MBTPS2: variants seen among roughly 807,000 people sequenced by gnomAD.
MBTPS2 encodes membrane-bound transcription factor site-2 protease.
MBTPS2 carries 2 observed loss-of-function variants against 35.4 expected under a neutral mutation model. That is an observed-to-expected ratio of 0.06 (90% CI 0.02 to 0.18). The LOEUF (loss-of-function observed/expected upper bound fraction) is 0.18. Ranked by LOEUF, MBTPS2 falls within the 10% of genes least tolerant of loss-of-function variation. The probability of loss-of-function intolerance (pLI) is 1.00; values close to 1 mark genes in which losing one functional copy is unlikely to be tolerated. For synonymous variants in MBTPS2, 125 were observed against 140.4 expected (o/e 0.89, Z 0.77); for missense variants, 244 against 386.5 (o/e 0.63, Z 3.09).
Position 21,885,228 on chromosome X carries a change from T to C in MBTPS2, c.*2573T>C. Reference sequence around the variant, plus strand: ...ATTGTAAACATGTGCTTCATAGATATTGTGGCTCTCAGTCATCACTTTGTC... The same window carrying C: ...ATTGTAAACATGTGCTTCATAGATACTGTGGCTCTCAGTCATCACTTTGTC... On this transcript the variant is annotated 3_prime_UTR_variant, in exon 11 of 11. Coordinates refer to ENST00000379484, the MANE Select transcript of MBTPS2 (RefSeq NM_015884.4). The C allele has an allele frequency of 1.7e-5, 13 of 750,528 alleles. No homozygotes were observed. The highest frequency in any genetic ancestry group is 2.3e-5 in the African/African-American group (1 of 43,828). 61.9% of individuals were successfully genotyped at this position (750,528 alleles called of 1,213,427 possible). A position where few individuals can be genotyped will look rare whatever the true frequency, so the allele number is the denominator to read the frequency against.
chrX:21,884,336 T>C lies in MBTPS2; in HGVS notation c.*1681T>C. 1 of 696,987 alleles carries C rather than the reference T, an allele frequency of 1.4e-6. No individual in the cohort carries two copies. The highest frequency in any genetic ancestry group is 8.4e-4 in the Middle Eastern group (1 of 1,189). 57.4% of individuals were successfully genotyped at this position (696,987 alleles called of 1,213,427 possible). A position where few individuals can be genotyped will look rare whatever the true frequency, so the allele number is the denominator to read the frequency against. ...TGCTCAGTCAGACCTGTTCAAGTAG[T>C]AGAGCTTGGAGAATGCCATGAAATA... On this transcript the variant is annotated 3_prime_UTR_variant, in exon 11 of 11. Coordinates refer to ENST00000379484, the MANE Select transcript of MBTPS2 (RefSeq NM_015884.4).
chrX:21,856,267 CTT>C (rs2092921300), intron 5 of MBTPS2: 1 of 417,971 alleles, frequency 2.4e-6, no homozygotes, highest in Non-Finnish European at 4.1e-6. Context: ...CCGGCTCGTG[CTT>C]TCCTCAGTCT....
Position 21,861,731 on chromosome X carries a change from G to T in MBTPS2, c.671-6736G>T, listed in dbSNP as rs1025672046. Among the ~76,000 whole-genome samples, 7 of 109,297 alleles carry T rather than the reference G, an allele frequency of 6.4e-5. 2 individuals carry two copies. The Admixed American group carries it at 6.8e-4, about 11-fold the overall frequency. The allele number at this position is 109,297 out of a possible 115,157, so 94.9% of individuals were successfully genotyped here. On this transcript the variant is annotated intron_variant, in intron 5 of 10. Coordinates refer to ENST00000379484, the MANE Select transcript of MBTPS2 (RefSeq NM_015884.4). ...AACAAACAAAAAAAAACACGAAAAAGCAAAATATAGTATAATAATTTGATA... is the reference window on the plus strand; with the variant it reads ...AACAAACAAAAAAAAACACGAAAAATCAAAATATAGTATAATAATTTGATA...
Position 21,883,891 on chromosome X carries a change from C to G in MBTPS2, c.*1236C>G, listed in dbSNP as rs1043989003. The G allele has an allele frequency of 7.2e-5, 54 of 751,917 alleles. No homozygotes were observed. The highest frequency in any genetic ancestry group is 7.7e-5 in the Non-Finnish European group (49 of 639,035). 62.0% of individuals were successfully genotyped at this position (751,917 alleles called of 1,213,427 possible). On this transcript the variant is annotated 3_prime_UTR_variant, in exon 11 of 11. Coordinates refer to ENST00000379484, the MANE Select transcript of MBTPS2 (RefSeq NM_015884.4). ...AGCCCTGGGAAATTTGGGGAGTCAG[C>G]AGGCCAGTGTGAAGCTATTGGTCCT...
chrX:21,842,502 C>T (rs2092903767), intron 1 of MBTPS2, among the ~76,000 whole-genome samples: 1 of 109,123 alleles, frequency 9.2e-6, no homozygotes, highest in African/African-American at 3.3e-5. Context: ...CTATTAGCCA[C>T]ATGTGGTTAT....
rs774263672 is a variant in MBTPS2, at chrX:21,878,585, T to C, written c.1154T>C (p.Phe385Ser). ...KDCKKSSSSS[F>S]CIIPSLETHT... is the part of the protein sequence containing the mutation. ...TGTAAAAAAAGCTCAAGTTCAAGTT[T>C]CTGTATAATACCTTCTTTGGAAACT... is the stretch of plus-strand genomic sequence containing the variant. Residue 385 changes from phenylalanine to serine, a missense_variant, in exon 9 of 11, where the codon TTC becomes TCC. By Grantham distance (155) the Phe-to-Ser change is radical. Transcript: ENST00000379484. The C allele has an allele frequency of 8.3e-7, 1 of 1,203,750 alleles. No individual in the cohort carries two copies. The highest frequency in any genetic ancestry group is 1.1e-6 in the Non-Finnish European group (1 of 888,325).
chrX:21,882,263 T>G (rs1476779527), intron 10 of MBTPS2, among the ~76,000 whole-genome samples, 170 bp from the exon 11 acceptor site: 2 of 109,900 alleles, frequency 1.8e-5, no homozygotes, highest in East Asian at 5.7e-4. Flanking sequence ...TAATATAAAC[T>G]CATTTTTTTT....
intron 5 of MBTPS2, among the ~76,000 whole-genome samples, chrX:21,854,776 C>T (rs779946050): frequency 9.0e-6 from 1 of 111,658 alleles, no homozygotes; most frequent in African/African-American, 3.3e-5. Flanking sequence ...AACTCTATAC[C>T]GTGAACACAG....
chrX:21,864,765 G>C (rs1425846746), intron 5 of MBTPS2, among the ~76,000 whole-genome samples: 1 of 111,481 alleles, frequency 9.0e-6, no homozygotes, highest in African/African-American at 3.3e-5. Flanking sequence ...AGAGGTTGCA[G>C]TGAGCAGAGA....
chrX:21,855,495 G>C (rs904253887), intron 5 of MBTPS2, among the ~76,000 whole-genome samples: 53 of 110,054 alleles, frequency 4.8e-4, no homozygotes, highest in Non-Finnish European at 8.0e-4. Flanking sequence ...GCAGCGGCAT[G>C]ATCTAGGCTC....
In MBTPS2 at chrX:21,839,656, GGC is replaced by G; in HGVS notation, c.-71_-70del. ...TCCTGAGCGGATGCTGGGGCTGTAA[GGC>G]GCGCGCGGTCAGCTGTTGGCGGTGC... On this transcript the variant is annotated 5_prime_UTR_variant, in exon 1 of 11. Coordinates refer to ENST00000379484, the MANE Select transcript of MBTPS2 (RefSeq NM_015884.4). 9.7e-7 allele frequency: 1 copy of G among 1,035,764 alleles called. No homozygotes were observed. Among genetic ancestry groups the G allele is most frequent in the Non-Finnish European group, 1.3e-6 (1 of 753,627 alleles). The allele number at this position is 1,035,764 out of a possible 1,213,427, so 85.4% of individuals were successfully genotyped here.
At chrX:21,856,376 G>A (rs1347582862) in intron 5 of MBTPS2, 1 of 887,809 alleles carries the variant, frequency 1.1e-6, no homozygotes, top group Non-Finnish European at 1.5e-6. Context: ...TCTGCAGCTC[G>A]CCCCTTCCTC....
At chrX:21,870,987 C>T (rs6418748) in intron 7 of MBTPS2, 50,545 of 110,641 alleles carry the variant, frequency 0.46, 8,421 homozygotes, top group East Asian at 0.59. Flanking sequence ...GATTAATAAT[C>T]AAGAATAGTT....
intron 8 of MBTPS2, 140 bp from the exon 9 acceptor site, chrX:21,878,357 T>C (rs1168688486): frequency 5.7e-6 from 3 of 528,967 alleles, no homozygotes; most frequent in African/African-American, 4.7e-5. Flanking sequence ...ATCTATTTTA[T>C]AGTAGATGCA....
chrX:21,856,227 G>A (rs2092921116), intron 5 of MBTPS2: 5 of 370,829 alleles, frequency 1.3e-5, no homozygotes, highest in Non-Finnish European at 1.9e-5. Context: ...AGGCGCATGC[G>A]TCTGGCTATC....
At chrX:21,862,130 A>G (rs1005728972) in intron 5 of MBTPS2, among the ~76,000 whole-genome samples, 27 of 111,403 alleles carry the variant, frequency 2.4e-4, no homozygotes, top group African/African-American at 8.8e-4. Flanking sequence ...TACAGCCCAC[A>G]GTACAGGGTT....
rs1168151763 is a variant in MBTPS2, at chrX:21,839,686, G to C, written c.-49G>C. 1 of 1,137,767 alleles carries C rather than the reference G, an allele frequency of 8.8e-7. No individual in the cohort carries two copies. The highest frequency in any genetic ancestry group is 1.9e-5 in the South Asian group (1 of 52,094). 93.8% of individuals were successfully genotyped at this position (1,137,767 alleles called of 1,213,427 possible). The stretch of plus-strand genomic sequence containing the variant: ...GCGCGGTCAGCTGTTGGCGGTGCAG[G>C]GAGGAGGACGCCGGGGCTCGCCTTC... On this transcript the variant is annotated 5_prime_UTR_variant, in exon 1 of 11. Coordinates refer to ENST00000379484, the MANE Select transcript of MBTPS2 (RefSeq NM_015884.4).
At position 21,843,469 on chromosome X, in the gene MBTPS2, G is replaced by A. The variant is rs1344067369; in HGVS notation, c.224+151G>A. ...ACTTTCTGGTTTTATATAACCTTAT[G>A]GGATTGTATCATTGTGGCTTGCATA... On this transcript the variant is annotated intron_variant, in intron 2 of 10. Transcript: ENST00000379484. 1.5e-5 allele frequency: 9 copies of A among 583,651 alleles called. No homozygotes were observed. The East Asian group carries it at 2.9e-4, about 19-fold the overall frequency. The allele number at this position is 583,651 out of a possible 1,213,427, so 48.1% of individuals were successfully genotyped here.
At chrX:21,873,995 G>GTATATATATA (rs1307380580) in intron 7 of MBTPS2, among the ~76,000 whole-genome samples, 3 of 66,696 alleles carry the variant, frequency 4.5e-5, no homozygotes, top group African/African-American at 1.3e-4. Flanking sequence ...GTGTGTGTGT[G>GTATATATATA]TGTGTGTATA....
Sources: allele counts gnomAD v4.1 joint callset (sites outside exome capture counted in the v4.1 genomes callset), GRCh38; gene constraint gnomAD v4.1.1; transcripts MANE v1.5; gene names NCBI Gene and HGNC (gene_info 2026-07-23, HGNC 2026-07-21).